Variants in MCCC2 observed in about 807,000 individuals in gnomAD.
The protein encoded by MCCC2 is methylcrotonyl-CoA carboxylase subunit 2.
MCCC2 carries 52 observed loss-of-function variants against 77.2 expected under a neutral mutation model. That is an observed-to-expected ratio of 0.67 (90% CI 0.54 to 0.85). The LOEUF is 0.85. Among genes scored for constraint, MCCC2 ranks in the 40% least tolerant of loss-of-function variants. The probability of loss-of-function intolerance (pLI) is 0.00; values close to 1 mark genes in which losing one functional copy is unlikely to be tolerated. For synonymous variants in MCCC2, 253 were observed against 248.4 expected (o/e 1.02, Z -0.18); for missense variants, 682 against 703.2 (o/e 0.97, Z 0.34).
intron 10 of MCCC2, chr5:71,635,461 T>C: frequency 1.6e-6 from 1 of 621,584 alleles, no homozygotes; most frequent in South Asian, 1.7e-5. Context: ...GGGACCTCAA[T>C]GATTGGAAAG....
chr5:71,654,991 C>T (rs536260575), intron 16 of MCCC2, among the ~76,000 whole-genome samples: 60 of 152,148 alleles, frequency 3.9e-4, no homozygotes, highest in Non-Finnish European at 6.6e-4. Flanking sequence ...TGTGCCACCA[C>T]GCCTGGCTAA....
At chr5:71,640,967 A>G in intron 10 of MCCC2, 36 bp from the exon 11 acceptor site, 9 of 1,577,082 alleles carry the variant, frequency 5.7e-6, no homozygotes, top group Non-Finnish European at 7.8e-6. Context: ...CTTTTGCAAT[A>G]TAATTTCTCA....
chr5:71,647,693 A>T (rs1483294244), intron 13 of MCCC2, among the ~76,000 whole-genome samples: 1 of 152,204 alleles, frequency 6.6e-6, no homozygotes, highest in Non-Finnish European at 1.5e-5. Flanking sequence ...TGTAGACATC[A>T]TCAGAATATG....
At position 71,592,941 on chromosome 5, in the gene MCCC2, A is replaced by C. The variant is rs749640484; in HGVS notation, c.145A>C (p.Met49Leu). The C allele has an allele frequency of 6.2e-7, 1 of 1,612,974 alleles. No homozygotes were observed. The highest frequency in any genetic ancestry group is 1.1e-5 in the South Asian group (1 of 91,038). Reference sequence around the variant, plus strand: ...TCTGTTTTAGGAGAACTACAAGCAGATGAAAGCACTAGTAAATCAGCTCCA... The same window carrying C: ...TCTGTTTTAGGAGAACTACAAGCAGCTGAAAGCACTAGTAAATCAGCTCCA... ...SALYQENYKQ[M>L]KALVNQLHER... Residue 49 changes from methionine (M) to leucine (L), a missense_variant, in exon 2 of 17, where the codon ATG becomes CTG. Coordinates refer to ENST00000340941, the MANE Select transcript of MCCC2 (RefSeq NM_022132.5).
intron 1 of MCCC2, 40 bp downstream of exon 1, chr5:71,587,594 G>T: frequency 6.5e-7 from 1 of 1,527,762 alleles, no homozygotes; most frequent in Non-Finnish European, 8.8e-7. Context: ...CCGGTGCCAG[G>T]CTAGGAAGCA....
intron 1 of MCCC2, among the ~76,000 whole-genome samples, chr5:71,590,724 G>A (rs1311752300): frequency 2.0e-5 from 3 of 152,120 alleles, no homozygotes; most frequent in African/African-American, 7.2e-5. Context: ...GTGTGAGGCA[G>A]GAGAGTCGCT....
chr5:71,587,570 C>T lies in MCCC2; in HGVS notation c.129+16C>T, dbSNP rs1339159559. 2.0e-5 allele frequency: 30 copies of T among 1,531,470 alleles called. No individual in the cohort carries two copies. The highest frequency in any genetic ancestry group is 1.7e-4 in the Middle Eastern group (1 of 5,746). 94.9% of individuals were successfully genotyped at this position (1,531,470 alleles called of 1,614,324 possible). ...CCTCTACCAGGTAGGCTGAGCGCCC[C>T]GGTGGCCTGGCCGCCGGTGCCAGGC... is the stretch of plus-strand genomic sequence containing the variant. On this transcript the variant is annotated intron_variant, in intron 1 of 16. Coordinates refer to ENST00000340941, the MANE Select transcript of MCCC2 (RefSeq NM_022132.5).
intron 10 of MCCC2, among the ~76,000 whole-genome samples, chr5:71,640,431 A>ATC (rs1747091684): frequency 6.9e-6 from 1 of 145,948 alleles, no homozygotes; most frequent in Non-Finnish European, 1.5e-5. Context: ...AAGCTTAAAG[A>ATC]ATTTTCTAGT....
intron 11 of MCCC2, 64 bp from the exon 12 acceptor site, chr5:71,643,755 T>C (rs1284506991): frequency 6.2e-7 from 1 of 1,613,616 alleles, no homozygotes; most frequent in East Asian, 2.2e-5. Context: ...ATATGCCTCT[T>C]TCTTGTGAAT....
intron 6 of MCCC2, among the ~76,000 whole-genome samples, chr5:71,617,978 A>G (rs2112384750): frequency 6.6e-6 from 1 of 152,254 alleles, no homozygotes; most frequent in Admixed American, 6.5e-5. Flanking sequence ...CTTCTGTTTC[A>G]TCTTTCCTTC....
rs113044614 is a variant in MCCC2, at chr5:71,632,819, C to T, written c.803+634C>T. ...TTGTGAGTTAGCTGTGAGCTGGCTT[C>T]GTCACATTGTTGGCCTGACCATGTT... On this transcript the variant is annotated intron_variant, in intron 8 of 16. Coordinates refer to ENST00000340941, the MANE Select transcript of MCCC2 (RefSeq NM_022132.5). Among the ~76,000 whole-genome samples, 321 of 152,110 alleles carry T rather than the reference C, an allele frequency of 2.1e-3. 1 individual carries two copies. The highest frequency in any genetic ancestry group is 6.6e-3 in the African/African-American group (275 of 41,468).
chr5:71,618,649 G>A (rs1293181668), intron 6 of MCCC2, among the ~76,000 whole-genome samples: 2 of 151,784 alleles, frequency 1.3e-5, no homozygotes, highest in African/African-American at 2.4e-5. Flanking sequence ...GCTTCCCAAA[G>A]CATTGGGATT....
chr5:71,600,226 T>A (rs1745368863), intron 4 of MCCC2, among the ~76,000 whole-genome samples: 1 of 152,188 alleles, frequency 6.6e-6, no homozygotes, highest in Admixed American at 6.5e-5. Flanking sequence ...CCAGTCTTTA[T>A]CTTTTAACTA....
At chr5:71,643,795 ATCT>A (rs752818473) in intron 11 of MCCC2, 21 bp from the exon 12 acceptor site, 12 of 1,613,934 alleles carry the variant, frequency 7.4e-6, no homozygotes, top group South Asian at 2.2e-5. Flanking sequence ...CAAGACATAA[ATCT>A]TCTTTGAACT....
At chr5:71,599,197 C>A (rs941202112) in intron 3 of MCCC2, among the ~76,000 whole-genome samples, 1 of 151,978 alleles carries the variant, frequency 6.6e-6, no homozygotes, top group African/African-American at 2.4e-5. Flanking sequence ...GGTGAAACCC[C>A]GTCTCTACTA....
In MCCC2 at chr5:71,643,790, C is replaced by T. The variant is rs1402675408; in HGVS notation, c.1073-29C>T. 6 of 1,613,982 alleles carry T rather than the reference C, an allele frequency of 3.7e-6. No individual in the cohort carries two copies. The Admixed American group carries it at 8.3e-5, about 22-fold the overall frequency. On this transcript the variant is annotated intron_variant, in intron 11 of 16. Transcript: ENST00000340941. ...TTGAAGCCCTTGGAAAAGCACAAGA[C>T]ATAAATCTTCTTTGAACTTTCTTTT...
chr5:71,655,527 A>T (rs1747554816), intron 16 of MCCC2, among the ~76,000 whole-genome samples: 1 of 152,200 alleles, frequency 6.6e-6, no homozygotes, highest in Admixed American at 6.5e-5. Flanking sequence ...GCTGTGCTGC[A>T]GGCTTCAGAG....
chr5:71,636,909 A>G (rs545364222), intron 10 of MCCC2, among the ~76,000 whole-genome samples: 26 of 151,420 alleles, frequency 1.7e-4, no homozygotes, highest in African/African-American at 6.3e-4. Context: ...ATACCTGGCT[A>G]ATTTTTGTAT....
At chr5:71,627,732 A>G (rs1746580048) in intron 7 of MCCC2, among the ~76,000 whole-genome samples, 1 of 151,628 alleles carries the variant, frequency 6.6e-6, no homozygotes, top group South Asian at 2.1e-4. Context: ...TTGTAATTGT[A>G]TGTTTGTCTG....
Sources: allele counts gnomAD v4.1 joint callset (sites outside exome capture counted in the v4.1 genomes callset), GRCh38; gene constraint gnomAD v4.1.1; transcripts MANE v1.5; gene names NCBI Gene and HGNC (gene_info 2026-07-23, HGNC 2026-07-21).